The following PKNOX2 variants were observed in gnomAD, a reference collection of about 807,000 sequenced individuals.
PKNOX2 encodes the protein homeobox protein PKNOX2.
In PKNOX2, 14 loss-of-function variants were observed where a neutral mutation model predicts 53.1. That is an observed-to-expected ratio of 0.26 (90% CI 0.17 to 0.41). The LOEUF (loss-of-function observed/expected upper bound fraction) is 0.41, where lower values mean the gene tolerates loss of function less well. Among genes scored for constraint, PKNOX2 ranks in the 10% least tolerant of loss-of-function variants. The probability of loss-of-function intolerance (pLI) is 1.00; values close to 1 mark genes in which losing one functional copy is unlikely to be tolerated. For synonymous variants in PKNOX2, 257 were observed against 242.8 expected, an observed-to-expected ratio of 1.06 and a Z score of -0.54; for missense variants, 496 against 602.8, an observed-to-expected ratio of 0.82 and a Z score of 1.85.
chr11:125,343,061 G>A (rs909686282), intron 3 of PKNOX2, among the ~76,000 whole-genome samples: 1 of 152,012 alleles, frequency 6.6e-6, no homozygotes, highest in African/African-American at 2.4e-5. Flanking sequence ...CTGGGGGAGG[G>A]AGTTGGCTCA....
intron 2 of PKNOX2, among the ~76,000 whole-genome samples, chr11:125,315,127 G>A (rs1949075753): frequency 6.6e-6 from 1 of 151,936 alleles, no homozygotes; most frequent in African/African-American, 2.4e-5. Context: ...GGAGGCAGGA[G>A]GTTCACATGG....
At chr11:125,230,204 G>A (rs7104275) in intron 1 of PKNOX2, among the ~76,000 whole-genome samples, 3,410 of 152,300 alleles carry the variant, frequency 0.022, 114 homozygotes, top group African/African-American at 0.077. Flanking sequence ...GAGGAAGGCC[G>A]TGCAGTACCC....
chr11:125,387,181 T>C (rs984492385), intron 6 of PKNOX2, among the ~76,000 whole-genome samples: 39 of 152,022 alleles, frequency 2.6e-4, no homozygotes, highest in Admixed American at 8.5e-4. Flanking sequence ...TAGACTGCAG[T>C]CGGGGAGCAG....
chr11:125,410,225 G>A lies in PKNOX2; in HGVS notation c.618G>A (p.Met206Ile), dbSNP rs1482212703. Residue 206 changes from methionine (M) to isoleucine (I), a missense_variant, in exon 8 of 13, where the codon ATG becomes ATA. Around this residue, in one of 5 missense-constraint regions of PKNOX2, gnomAD observed 141 missense variants for 143.9 expected, o/e 0.98. Coordinates refer to ENST00000298282, the MANE Select transcript of PKNOX2 (RefSeq NM_001382323.2). ...QDLLQNSPNS[M>I]SGVSNNPQGI... ...TCCTGCAGAATTCCCCCAATTCCAT[G>A]TCCGGAGTCTCCAATAACCCCCAGG... The A allele has an allele frequency of 1.2e-6, 2 of 1,614,040 alleles. No homozygotes were observed. The highest frequency in any genetic ancestry group is 1.7e-6 in the Non-Finnish European group (2 of 1,179,972).
intron 1 of PKNOX2, among the ~76,000 whole-genome samples, chr11:125,182,465 A>G (rs1956208447): frequency 2.0e-5 from 3 of 152,148 alleles, no homozygotes; most frequent in African/African-American, 7.2e-5. Context: ...TATCACCTTA[A>G]CTTTGGCCAA....
At chr11:125,294,544 C>T (rs1591516228) in intron 2 of PKNOX2, among the ~76,000 whole-genome samples, 1 of 152,090 alleles carries the variant, frequency 6.6e-6, no homozygotes, top group Admixed American at 6.6e-5. Flanking sequence ...GGTGGAGAGG[C>T]GGCATGGCAG....
At chr11:125,261,659 A>T (rs990014112) in intron 2 of PKNOX2, among the ~76,000 whole-genome samples, 9 of 152,210 alleles carry the variant, frequency 5.9e-5, no homozygotes, top group African/African-American at 1.9e-4. Flanking sequence ...TGATACTCTC[A>T]GCAGGGCATC....
chr11:125,276,732 A>G (rs1946189657), intron 2 of PKNOX2, among the ~76,000 whole-genome samples: 2 of 152,140 alleles, frequency 1.3e-5, no homozygotes, highest in African/African-American at 4.8e-5. Flanking sequence ...AGAGACTGGG[A>G]AATTGAATTT....
intron 2 of PKNOX2, among the ~76,000 whole-genome samples, chr11:125,321,624 C>T (rs11604284): frequency 0.097 from 14,820 of 152,228 alleles, 890 homozygotes; most frequent in East Asian, 0.2. Context: ...CCATGTTCAA[C>T]GCTGTCATCA....
At chr11:125,337,571 T>C (rs913333222) in intron 3 of PKNOX2, among the ~76,000 whole-genome samples, 14 of 152,216 alleles carry the variant, frequency 9.2e-5, no homozygotes, top group Non-Finnish European at 1.5e-4. Flanking sequence ...CTCTCTTCTT[T>C]TCCCATTAAA....
intron 2 of PKNOX2, among the ~76,000 whole-genome samples, chr11:125,325,182 T>C (rs1949759691): frequency 2.0e-5 from 3 of 152,192 alleles, no homozygotes; most frequent in Admixed American, 6.5e-5. Context: ...GAAAGAAAAT[T>C]TGTGACTGGC....
intron 2 of PKNOX2, among the ~76,000 whole-genome samples, chr11:125,330,789 G>C (rs571684628): frequency 6.6e-6 from 1 of 151,214 alleles, no homozygotes; most frequent in African/African-American, 2.5e-5. Flanking sequence ...TGCAGCTCCC[G>C]GCCTGGCCCA....
In PKNOX2 at chr11:125,415,353, C is replaced by T. The variant is rs1348768263; in HGVS notation, c.936+3488C>T. On this transcript the variant is annotated intron_variant, in intron 10 of 12. Transcript: ENST00000298282. ...CCCACCTCCCAGGTTCAAGTTCAAGCGATTCTCCTGCCTCAGCTTCCCATG... is the reference window on the plus strand; with the variant it reads ...CCCACCTCCCAGGTTCAAGTTCAAGTGATTCTCCTGCCTCAGCTTCCCATG... Among the ~76,000 whole-genome samples, 3 of 149,960 alleles carry T rather than the reference C, an allele frequency of 2.0e-5. No individual in the cohort carries two copies. In the Admixed American group the frequency reaches 2.0e-4, roughly 10 times the overall value.
intron 1 of PKNOX2, among the ~76,000 whole-genome samples, chr11:125,234,471 T>C (rs956884393): frequency 2.6e-5 from 4 of 152,320 alleles, no homozygotes; most frequent in Middle Eastern, 3.4e-3. Flanking sequence ...GCACCATCAT[T>C]CTTCTCTATG....
rs991720669 is a variant in PKNOX2 at position 125,322,064 on chromosome 11, T to A, written c.-129-9755T>A. ...AGTGGGGATCAGGTTTCCATGCAAG[T>A]TTTGGAGAGGCACATTCAGACCATA... On this transcript the variant is annotated intron_variant, in intron 2 of 12. Transcript: ENST00000298282. Among the ~76,000 whole-genome samples the A allele has an allele frequency of 2.6e-5, 4 of 152,236 alleles. No individual in the cohort carries two copies. In the East Asian group the frequency reaches 7.7e-4, roughly 29 times the overall value.
intron 4 of PKNOX2, 72 bp downstream of exon 4, chr11:125,351,464 G>T (rs1951315738): frequency 2.0e-6 from 2 of 1,004,812 alleles, no homozygotes; most frequent in Non-Finnish European, 3.1e-6. Context: ...CCAGCTGCAG[G>T]CTGGGACATT....
In PKNOX2 at chr11:125,270,341, G is replaced by A. The variant is rs190924824; in HGVS notation, c.-130+35226G>A. 1.2e-3 allele frequency among the ~76,000 whole-genome samples: 186 copies of A among 152,296 alleles called. 1 individual carries two copies. Among genetic ancestry groups the A allele is most frequent in the African/African-American group, 4.3e-3 (179 of 41,546 alleles). On this transcript the variant is annotated intron_variant, in intron 2 of 12. Transcript: ENST00000298282. ...AGGTGGGTGAATGGCTCTTTTGGGA[G>A]ACTGCAGGTCCTGCCATGACATGGT...
chr11:125,321,211 C>T (rs73621068), intron 2 of PKNOX2, among the ~76,000 whole-genome samples: 3,560 of 152,214 alleles, frequency 0.023, 149 homozygotes, highest in African/African-American at 0.079. Flanking sequence ...TAACTATAAC[C>T]CAGAGCAGAG....
intron 2 of PKNOX2, among the ~76,000 whole-genome samples, chr11:125,272,213 G>A (rs1017859318): frequency 6.6e-6 from 1 of 152,222 alleles, no homozygotes; most frequent in African/African-American, 2.4e-5. Flanking sequence ...GGGGTGTGAG[G>A]AAAGCTCTCC....
Sources: allele counts gnomAD v4.1 joint callset (sites outside exome capture counted in the v4.1 genomes callset), GRCh38; gene constraint gnomAD v4.1.1; regional missense constraint gnomAD v4.1.1; transcripts MANE v1.5; gene names NCBI Gene and HGNC (gene_info 2026-07-23, HGNC 2026-07-21).